Variants in ALS2 observed in about 807,000 individuals in gnomAD.
ALS2 encodes alsin Rho guanine nucleotide exchange factor ALS2, also known as alsin.
A neutral mutation model predicts 203.4 loss-of-function variants in ALS2; 117 were observed. That is an observed-to-expected ratio of 0.58 (90% CI 0.50 to 0.67). The LOEUF is 0.67. Among genes scored for constraint, ALS2 ranks in the 30% least tolerant of loss-of-function variants. The pLI, the probability that ALS2 is intolerant of heterozygous loss-of-function variation, is 0.00. For missense variants in ALS2, 1,715 were observed against 1,989.4 expected (o/e 0.86, Z 2.62); for synonymous variants, 718 against 725.9 (o/e 0.99, Z 0.17).
intron 1 of ALS2, among the ~76,000 whole-genome samples, chr2:201,773,907 T>C (rs1476249202): frequency 1.3e-5 from 2 of 152,186 alleles, no homozygotes; most frequent in African/African-American, 4.8e-5. Context: ...AGCTGGGGTC[T>C]TGTAAGATAA....
intron 1 of ALS2, among the ~76,000 whole-genome samples, chr2:201,770,520 T>C (rs186429982): frequency 3.7e-4 from 56 of 152,266 alleles, no homozygotes; most frequent in Admixed American, 1.2e-3. Context: ...TCTTACTTAC[T>C]ATAGGGCAGG....
intron 11 of ALS2, among the ~76,000 whole-genome samples, chr2:201,739,235 CAAAAAAAAAAAA>C (rs34341730): frequency 2.4e-5 from 1 of 41,080 alleles, no homozygotes; most frequent in Non-Finnish European, 5.5e-5. Flanking sequence ...GACTGTCTCC[CAAAAAAAAAAAA>C]AAAAAAAAAA....
At chr2:201,724,884 C>T (rs1691051634) in intron 20 of ALS2, among the ~76,000 whole-genome samples, 1 of 151,962 alleles carries the variant, frequency 6.6e-6, no homozygotes, top group African/African-American at 2.4e-5. Context: ...GAGGCCGAGG[C>T]GGGTGGATCA....
chr2:201,720,714 AAC>A (rs146362505), intron 23 of ALS2, among the ~76,000 whole-genome samples: 67 of 148,708 alleles, frequency 4.5e-4, no homozygotes, highest in South Asian at 1.1e-3. Context: ...ACACTATCTC[AAC>A]ACACACACAC....
At chr2:201,745,089 C>T (rs562824177) in intron 9 of ALS2, among the ~76,000 whole-genome samples, 3 of 152,336 alleles carry the variant, frequency 2.0e-5, no homozygotes, top group South Asian at 2.1e-4. Flanking sequence ...AAGACACACA[C>T]GAGAGCTTCA....
chr2:201,740,999 T>A (rs1338772353), intron 11 of ALS2, among the ~76,000 whole-genome samples: 1 of 152,112 alleles, frequency 6.6e-6, no homozygotes, highest in East Asian at 1.9e-4. Context: ...TGTGAATGAA[T>A]AGAGAACAAA....
Position 201,715,545 on chromosome 2 carries a change from T to C in ALS2, c.4004+127A>G, listed in dbSNP as rs10469756. ...AAGATAAAGAAAGTGTGTTTTAATC[T>C]CTCTTACTCAGAAGCGAAGTAAATC... On this transcript the variant is annotated intron_variant, in intron 25 of 33. Coordinates refer to ENST00000264276, the MANE Select transcript of ALS2 (RefSeq NM_020919.4). 0.92 allele frequency: 1,001,713 copies of C among 1,091,494 alleles called. 460,422 individuals are homozygous for C. Among genetic ancestry groups the C allele is most frequent in the East Asian group, 0.99 (39,480 of 39,872 alleles). The allele number at this position is 1,091,494 out of a possible 1,614,324, so 67.6% of individuals were successfully genotyped here.
intron 10 of ALS2, among the ~76,000 whole-genome samples, chr2:201,743,543 G>GCA (rs1203200809): frequency 6.6e-6 from 1 of 152,076 alleles, no homozygotes; most frequent in Non-Finnish European, 1.5e-5. Flanking sequence ...GGACTGCAGT[G>GCA]GTACAATCTC....
intron 7 of ALS2, 56 bp downstream of exon 7, chr2:201,753,090 T>C: frequency 7.5e-7 from 1 of 1,338,498 alleles, no homozygotes; most frequent in African/African-American, 1.4e-5. Flanking sequence ...GGTCCAACAA[T>C]GTCATGTTGG....
At chr2:201,738,922 A>AG (rs1019996489) in intron 11 of ALS2, among the ~76,000 whole-genome samples, 187 bp from the exon 12 acceptor site, 6 of 152,272 alleles carry the variant, frequency 3.9e-5, no homozygotes, top group African/African-American at 1.4e-4. Context: ...AGGGAGTGGT[A>AG]GGGGAATTCC....
chr2:201,741,595 T>G (rs1692272343), intron 11 of ALS2, 79 bp downstream of exon 11: 1 of 1,399,722 alleles, frequency 7.1e-7, no homozygotes, highest in Non-Finnish European at 1.0e-6. Context: ...CCTAATCTAG[T>G]CTCTTCTGAT....
chr2:201,733,317 A>G lies in ALS2; in HGVS notation c.2539T>C (p.Tyr847His). ...GCAAGCTTTAGCAAAACTTTTGCGTAATTATGAAGTCGTCTGATTGGCAAG... is the reference window on the plus strand; with the variant it reads ...GCAAGCTTTAGCAAAACTTTTGCGTGATTATGAAGTCGTCTGATTGGCAAG... The part of the protein sequence containing the change: ...FFLPIRRLHN[Y>H]AKVLLKLATC... The change falls in exon 13 of 34, where the codon TAC (tyrosine) becomes CAC (histidine). Residue 847 changes from tyrosine (Y) to histidine (H), a missense_variant. Tyr to His is a moderately conservative substitution (Grantham distance 83). Around this residue, in one of 3 missense-constraint regions of ALS2, gnomAD observed 1,227 missense variants for 1,413.5 expected, o/e 0.87. Coordinates refer to ENST00000264276, the MANE Select transcript of ALS2 (RefSeq NM_020919.4). The G allele has an allele frequency of 3.1e-6, 5 of 1,613,912 alleles. No individual in the cohort carries two copies. The highest frequency in any genetic ancestry group is 3.4e-6 in the Non-Finnish European group (4 of 1,179,904).
chr2:201,719,598 A>G (rs1690635956), intron 23 of ALS2, among the ~76,000 whole-genome samples: 1 of 99,276 alleles, frequency 1.0e-5, no homozygotes, highest in South Asian at 5.2e-4. Flanking sequence ...GAAAAAAATA[A>G]AAATAAAAAT....
chr2:201,706,826 C>T lies in ALS2; in HGVS notation c.4580+20G>A. ...TTTAAATTAAAACCATTTGGTTGCG[C>T]TTGTAACTACTACACTTACCTCTGC... On this transcript the variant is annotated intron_variant, in intron 29 of 33. Coordinates refer to ENST00000264276, the MANE Select transcript of ALS2 (RefSeq NM_020919.4). 1.2e-6 allele frequency: 2 copies of T among 1,613,740 alleles called. No individual in the cohort carries two copies. Among genetic ancestry groups the T allele is most frequent in the Non-Finnish European group, 1.7e-6 (2 of 1,179,834 alleles).
At chr2:201,711,681 C>T (rs1020950012) in intron 25 of ALS2, among the ~76,000 whole-genome samples, 4 of 152,162 alleles carry the variant, frequency 2.6e-5, no homozygotes, top group African/African-American at 9.7e-5. Flanking sequence ...AGAGAAAACA[C>T]ACGCTAGTAA....
intron 3 of ALS2, among the ~76,000 whole-genome samples, chr2:201,763,727 G>C (rs1226057717): frequency 4.6e-5 from 7 of 152,134 alleles, no homozygotes; most frequent in African/African-American, 1.4e-4. Context: ...CAGTGAGTTG[G>C]GTATATAAAT....
intron 10 of ALS2, among the ~76,000 whole-genome samples, chr2:201,742,527 A>G (rs905759070): frequency 6.6e-6 from 1 of 152,242 alleles, no homozygotes; most frequent in Admixed American, 6.5e-5. Context: ...GACAGGAAAG[A>G]GGCAGATTTA....
Position 201,726,646 on chromosome 2 carries a change from A to G in ALS2, c.3182+18T>C. ...GATGATCATCCTCACCCCAGGCATA[A>G]ATCTTCAACATTTTCACCTGCCATG... On this transcript the variant is annotated intron_variant, in intron 18 of 33. Transcript: ENST00000264276. 1.9e-6 allele frequency: 3 copies of G among 1,613,606 alleles called. No homozygotes were observed. The highest frequency in any genetic ancestry group is 2.5e-6 in the Non-Finnish European group (3 of 1,179,560).
intron 25 of ALS2, among the ~76,000 whole-genome samples, chr2:201,713,133 C>CTTTTCTT (rs1279654897): frequency 1.8e-4 from 17 of 96,272 alleles, no homozygotes; most frequent in African/African-American, 2.7e-4. Flanking sequence ...CTTTTCTTTT[C>CTTTTCTT]TTTTTTTTTT....
Sources: allele counts gnomAD v4.1 joint callset (sites outside exome capture counted in the v4.1 genomes callset), GRCh38; gene constraint gnomAD v4.1.1; regional missense constraint gnomAD v4.1.1; transcripts MANE v1.5; gene names NCBI Gene and HGNC (gene_info 2026-07-23, HGNC 2026-07-21).